Variants in DCN observed in about 807,000 individuals in gnomAD.
DCN encodes decorin.
DCN carries 17 observed loss-of-function variants against 36.5 expected under a neutral mutation model. The observed-to-expected ratio is 0.47, with a 90% CI of 0.32 to 0.70. DCN has a LOEUF of 0.70. DCN is among the 30% of genes least tolerant of loss of function. The pLI is 0.04. For missense variants in DCN, 389 were observed against 430.1 expected, an observed-to-expected ratio of 0.90 and a Z score of 0.84; for synonymous variants, 163 against 161.4, an observed-to-expected ratio of 1.01 and a Z score of -0.07.
chr12:91,143,830 A>ATATATATATAAAGATATATATGTGTG lies in DCN; in HGVS notation c.*2202_*2227dup, dbSNP rs1412027063. On this transcript the variant is annotated 3_prime_UTR_variant, in exon 8 of 8. Transcript: ENST00000052754. Reference sequence around the variant, plus strand: ...TATGCAAAAAGATATATATATAAATATATATATATAAAGATATATATGTGT... The same window carrying ATATATATATAAAGATATATATGTGTG: ...TATGCAAAAAGATATATATATAAATATATATATATAAAGATATATATGTGTGTATATATATAAAGATATATATGTGT... 7 of 147,838 alleles carry ATATATATATAAAGATATATATGTGTG rather than the reference A, an allele frequency of 4.7e-5. No homozygotes were observed. The highest frequency in any genetic ancestry group is 7.4e-5 in the Non-Finnish European group (5 of 67,156). 9.2% of individuals were successfully genotyped at this position (147,838 alleles called of 1,614,324 possible).
At chr12:91,167,432 T>C (rs2121266054) in intron 2 of DCN, among the ~76,000 whole-genome samples, 1 of 151,248 alleles carries the variant, frequency 6.6e-6, no homozygotes, top group East Asian at 1.9e-4. Flanking sequence ...GTGGTTAGTT[T>C]TAATGTAAAT....
chr12:91,158,219 C>A, intron 4 of DCN, 77 bp downstream of exon 4: 2 of 914,534 alleles, frequency 2.2e-6, no homozygotes, highest in Admixed American at 3.4e-5. Flanking sequence ...ATTTACCTTC[C>A]TGCACTTAAA....
intron 7 of DCN, among the ~76,000 whole-genome samples, chr12:91,148,721 C>CAAAAAAAAAAAA (rs5799978): frequency 0.012 from 605 of 49,456 alleles, 46 homozygotes; most frequent in East Asian, 0.02. Flanking sequence ...CGCTCCGACT[C>CAAAAAAAAAAAA]AAAAAAAAAA....
chr12:91,162,682 C>A (rs1189668440), intron 3 of DCN, among the ~76,000 whole-genome samples: 2 of 152,168 alleles, frequency 1.3e-5, no homozygotes, highest in Non-Finnish European at 2.9e-5. Context: ...AGGCAGGTAA[C>A]AAATCACTAG....
Position 91,164,663 on chromosome 12 carries a change from T to C in DCN, c.266A>G (p.Gln89Arg). Residue 89 changes from glutamine to arginine, a missense_variant, in exon 3 of 8, where the codon CAA (glutamine) becomes CGA (arginine). Gln to Arg is a conservative substitution (Grantham distance 43). Coordinates refer to ENST00000052754, the MANE Select transcript of DCN (RefSeq NM_001920.5). ...TTTGATTTCGGTTATTTTGTTGTTT[T>C]GCAGGTCTAGCAGAGTTGTGTCAGG... ...LPPDTTLLDL[Q>R]NNKITEIKDG... The C allele has an allele frequency of 6.2e-7, 1 of 1,613,600 alleles. No individual in the cohort carries two copies. The highest frequency in any genetic ancestry group is 1.1e-5 in the South Asian group (1 of 91,066).
intron 1 of DCN, 103 bp from the exon 2 acceptor site, chr12:91,178,688 A>G (rs1883449177): frequency 1.3e-6 from 1 of 743,100 alleles, no homozygotes; most frequent in Non-Finnish European, 2.4e-6. Context: ...AAAAGATGCA[A>G]AATAATATTT....
At chr12:91,164,836 A>G in intron 2 of DCN, 119 bp from the exon 3 acceptor site, 2 of 671,300 alleles carry the variant, frequency 3.0e-6, no homozygotes, top group South Asian at 1.7e-5. Flanking sequence ...GTAACAACAT[A>G]TTTTTCTTCT....
intron 3 of DCN, among the ~76,000 whole-genome samples, chr12:91,160,550 T>C (rs1315387029): frequency 1.3e-5 from 2 of 152,136 alleles, no homozygotes; most frequent in Non-Finnish European, 2.9e-5. Flanking sequence ...TCTCAAGCTC[T>C]GGGTCTTATT....
At chr12:91,156,263 G>T (rs1284199186) in intron 5 of DCN, among the ~76,000 whole-genome samples, 3 of 152,154 alleles carry the variant, frequency 2.0e-5, no homozygotes, top group Non-Finnish European at 4.4e-5. Context: ...GCTCCTAAAG[G>T]CATGTAGCAT....
intron 2 of DCN, among the ~76,000 whole-genome samples, chr12:91,170,432 A>G (rs1758505717): frequency 6.6e-6 from 1 of 152,128 alleles, no homozygotes; most frequent in African/African-American, 2.4e-5. Flanking sequence ...CTTGACAGTT[A>G]TTTCCTGGTC....
At chr12:91,172,533 A>G (rs899367784) in intron 2 of DCN, 5 of 349,362 alleles carry the variant, frequency 1.4e-5, no homozygotes, top group Admixed American at 4.5e-5. Context: ...GGCTTCATAC[A>G]TAGATGATTC....
intron 2 of DCN, chr12:91,175,121 G>C (rs952744468): frequency 6.6e-6 from 1 of 152,072 alleles, no homozygotes; most frequent in African/African-American, 2.4e-5. Context: ...TTCTGAATTT[G>C]CTAACTCTAC....
intron 2 of DCN, among the ~76,000 whole-genome samples, chr12:91,170,878 C>T (rs1392563619): frequency 6.6e-6 from 1 of 152,084 alleles, no homozygotes; most frequent in Non-Finnish European, 1.5e-5. Flanking sequence ...AATATAAAAA[C>T]AGATAGTATT....
intron 2 of DCN, among the ~76,000 whole-genome samples, chr12:91,169,045 T>A (rs1882764696): frequency 6.6e-6 from 1 of 152,150 alleles, no homozygotes; most frequent in Admixed American, 6.5e-5. Context: ...ATCTGATTAA[T>A]CCTCTAAATT....
chr12:91,146,050 C>A lies in DCN; in HGVS notation c.*8G>T, dbSNP rs1292058860. On this transcript the variant is annotated 3_prime_UTR_variant, in exon 8 of 8. Transcript: ENST00000052754. The stretch of plus-strand genomic sequence containing the variant: ...GCCAGGTTATAAAAATGAGGGCTTT[C>A]TTGAGAATTACTTATAGTTTCCGAG... 1.1e-5 allele frequency: 17 copies of A among 1,611,654 alleles called. No individual in the cohort carries two copies. Among genetic ancestry groups the A allele is most frequent in the Non-Finnish European group, 1.4e-5 (17 of 1,177,970 alleles).
intron 3 of DCN, among the ~76,000 whole-genome samples, chr12:91,161,149 A>AT (rs1882131495): frequency 6.6e-6 from 1 of 152,226 alleles, no homozygotes; most frequent in African/African-American, 2.4e-5. Context: ...AACTCTCTTT[A>AT]TTCATCTGAT....
At chr12:91,153,637 C>T (rs1881578613) in intron 5 of DCN, among the ~76,000 whole-genome samples, 1 of 152,082 alleles carries the variant, frequency 6.6e-6, no homozygotes, top group Non-Finnish European at 1.5e-5. Context: ...CATTAATGAG[C>T]ATCATTAAAA....
At chr12:91,177,705 C>T (rs558841579) in intron 2 of DCN, 5 of 697,002 alleles carry the variant, frequency 7.2e-6, no homozygotes, top group South Asian at 6.0e-5. Flanking sequence ...AATATTTACA[C>T]CATACCTTAG....
At chr12:91,165,534 G>C (rs978502127) in intron 2 of DCN, among the ~76,000 whole-genome samples, 1 of 152,062 alleles carries the variant, frequency 6.6e-6, no homozygotes, top group Non-Finnish European at 1.5e-5. Flanking sequence ...GGATGAACCA[G>C]AATTATACAA....
Sources: gnomAD v4.1 joint callset for allele counts (sites outside exome capture counted in the v4.1 genomes callset) on GRCh38, gnomAD v4.1.1 for gene constraint, MANE v1.5 for transcripts, NCBI Gene and HGNC (gene_info 2026-07-23, HGNC 2026-07-21) for gene names.